The following FRMPD4 variants were observed in gnomAD, a reference collection of about 807,000 sequenced individuals.
FRMPD4 encodes FERM and PDZ domain containing 4.
Under a neutral mutation model 94.1 loss-of-function variants are expected in FRMPD4, and 22 were observed. The ratio of observed to expected loss-of-function variants is 0.23; its 90% CI spans 0.17 to 0.33. The LOEUF (loss-of-function observed/expected upper bound fraction) is 0.33. FRMPD4 is among the 10% of genes least tolerant of loss of function. The probability of loss-of-function intolerance (pLI) is 1.00; values close to 1 mark genes in which losing one functional copy is unlikely to be tolerated. For missense variants in FRMPD4, 1,111 were observed against 1,339.9 expected, an observed-to-expected ratio of 0.83 and a Z score of 2.67; for synonymous variants, 631 against 548.6, an observed-to-expected ratio of 1.15 and a Z score of -2.10.
chrX:11,912,160 G>A (rs1156260643), intron 3 of FRMPD4, among the ~76,000 whole-genome samples: 1 of 112,058 alleles, frequency 8.9e-6, no homozygotes, highest in Non-Finnish European at 1.9e-5. Context: ...GCAAGCTTCT[G>A]TAAGCCACTC....
rs2060021357 is a variant in FRMPD4 at position 12,686,179 on chromosome X, G to A, written c.656G>A (p.Arg219His). The A allele has an allele frequency of 8.7e-7, 1 of 1,153,274 alleles. No homozygotes were observed. Among genetic ancestry groups the A allele is most frequent in the East Asian group, 3.0e-5 (1 of 33,454 alleles). Residue 219 changes from arginine to histidine, a missense_variant, in exon 7 of 17, where the codon CGT (arginine) becomes CAT (histidine). Physicochemically the swap from Arg to His is conservative, Grantham distance 29. Coordinates refer to ENST00000675598, the MANE Select transcript of FRMPD4 (RefSeq NM_001368397.1). Reference sequence around the variant, plus strand: ...GAAAATGGGCAGACCAAATCATTTCGTTTTGACTGCAGCACTTCCATTAAG... The same window carrying A: ...GAAAATGGGCAGACCAAATCATTTCATTTTGACTGCAGCACTTCCATTAAG... ...YLENGQTKSF[R>H]FDCSTSIKDV... is the part of the protein sequence containing the mutation.
chrX:12,535,840 G>A (rs2058333413), intron 2 of FRMPD4, among the ~76,000 whole-genome samples: 1 of 111,009 alleles, frequency 9.0e-6, no homozygotes, highest in Non-Finnish European at 1.9e-5. Flanking sequence ...GCCTTTTATG[G>A]AAAAAATTTG....
chrX:12,024,350 A>G (rs773400355), intron 3 of FRMPD4, among the ~76,000 whole-genome samples: 1 of 112,293 alleles, frequency 8.9e-6, no homozygotes, highest in South Asian at 3.7e-4. Flanking sequence ...TGTACAGATG[A>G]GAAAACTGAA....
chrX:12,675,764 C>T (rs1602303139), intron 5 of FRMPD4, among the ~76,000 whole-genome samples: 2 of 111,630 alleles, frequency 1.8e-5, no homozygotes, highest in Admixed American at 9.6e-5. Context: ...GTCTGGCCTT[C>T]GTAAGGAGTG....
At chrX:12,250,804 C>G (rs1259483479) in intron 1 of FRMPD4, among the ~76,000 whole-genome samples, 2 of 110,836 alleles carry the variant, frequency 1.8e-5, no homozygotes, top group South Asian at 7.7e-4. Context: ...TCAAATACCC[C>G]CACTTAGAGC....
At chrX:12,554,468 A>G (rs1324038026) in intron 2 of FRMPD4, among the ~76,000 whole-genome samples, 6 of 112,386 alleles carry the variant, frequency 5.3e-5, no homozygotes, top group South Asian at 3.7e-4. Context: ...AGTCAATTCA[A>G]TAAGTCACAA....
At chrX:11,917,648 C>T (rs186342278) in intron 3 of FRMPD4, among the ~76,000 whole-genome samples, 8 of 111,531 alleles carry the variant, frequency 7.2e-5, no homozygotes, top group Non-Finnish European at 3.8e-5. Context: ...AACAAAAATA[C>T]GACAAGTTCT....
At chrX:12,386,766 G>A (rs1254049617) in intron 1 of FRMPD4, among the ~76,000 whole-genome samples, 2 of 111,361 alleles carry the variant, frequency 1.8e-5, no homozygotes, top group Admixed American at 1.9e-4. Context: ...GTAACAAGTG[G>A]CGATGATGAT....
intron 1 of FRMPD4, among the ~76,000 whole-genome samples, chrX:12,440,525 G>A (rs887715206): frequency 8.1e-5 from 9 of 111,646 alleles, no homozygotes; most frequent in African/African-American, 2.9e-4. Flanking sequence ...CTCAGCCAGA[G>A]GTGGGGAAGC....
intron 5 of FRMPD4, among the ~76,000 whole-genome samples, chrX:12,682,254 G>A (rs367769558): frequency 1.8e-5 from 2 of 112,158 alleles, no homozygotes; most frequent in African/African-American, 6.5e-5. Flanking sequence ...TATTTGACAA[G>A]GATGAGAGTC....
chrX:12,275,677 G>C (rs886729699), intron 1 of FRMPD4, among the ~76,000 whole-genome samples: 15 of 109,770 alleles, frequency 1.4e-4, no homozygotes, highest in Non-Finnish European at 2.7e-4. Flanking sequence ...ATGCAGGACA[G>C]AGGGTGGAAG....
intron 3 of FRMPD4, among the ~76,000 whole-genome samples, chrX:12,612,267 A>G (rs1276722247): frequency 8.9e-6 from 1 of 111,768 alleles, no homozygotes; most frequent in Non-Finnish European, 1.9e-5. Context: ...CACTGTTTCT[A>G]CAACCTCTCT....
intron 1 of FRMPD4, among the ~76,000 whole-genome samples, chrX:12,162,771 G>A (rs965534232): frequency 1.8e-5 from 2 of 111,745 alleles, no homozygotes; most frequent in African/African-American, 6.5e-5. Context: ...CCCCTTTCCT[G>A]TGGTGAACAT....
At chrX:12,143,384 A>G (rs2147575934) in intron 1 of FRMPD4, among the ~76,000 whole-genome samples, 1 of 112,775 alleles carries the variant, frequency 8.9e-6, no homozygotes, top group Admixed American at 9.4e-5. Flanking sequence ...CAGTGTCCAT[A>G]AATAAAGTTT....
At chrX:12,168,462 A>G (rs900362311) in intron 1 of FRMPD4, among the ~76,000 whole-genome samples, 2 of 110,848 alleles carry the variant, frequency 1.8e-5, no homozygotes, top group South Asian at 3.8e-4. Flanking sequence ...TTGTGATGCA[A>G]TCAAACACAA....
chrX:11,897,507 A>G (rs756511901), intron 3 of FRMPD4, among the ~76,000 whole-genome samples: 22 of 112,353 alleles, frequency 2.0e-4, no homozygotes, highest in Non-Finnish European at 3.8e-4. Flanking sequence ...TGTTGAGTAC[A>G]TGGCCCTCAT....
intron 4 of FRMPD4, among the ~76,000 whole-genome samples, chrX:12,653,274 G>T (rs1389821958): frequency 8.9e-6 from 1 of 112,157 alleles, no homozygotes; most frequent in African/African-American, 3.2e-5. Context: ...AAAGCCAATA[G>T]AACCTTTTTA....
At chrX:12,316,767 C>CTT (rs770337145) in intron 1 of FRMPD4, among the ~76,000 whole-genome samples, 2 of 100,193 alleles carry the variant, frequency 2.0e-5, no homozygotes, top group African/African-American at 7.2e-5. Flanking sequence ...AGTTGTTTTA[C>CTT]TTTTTTTTTT....
chrX:12,694,824 A>G (rs1034980292), intron 9 of FRMPD4, among the ~76,000 whole-genome samples: 9 of 112,052 alleles, frequency 8.0e-5, no homozygotes, highest in Non-Finnish European at 1.1e-4. Context: ...ATTCTGGTTT[A>G]CTCCTAAATA....
Sources: allele counts gnomAD v4.1 joint callset (sites outside exome capture counted in the v4.1 genomes callset), GRCh38; gene constraint gnomAD v4.1.1; transcripts MANE v1.5; gene names NCBI Gene and HGNC (gene_info 2026-07-23, HGNC 2026-07-21).